Variants in RAD51B observed in about 807,000 individuals in gnomAD.
The protein encoded by RAD51B is RAD51 paralog B.
In RAD51B, 38 loss-of-function variants were observed where a neutral mutation model predicts 42.2. That is an observed-to-expected ratio of 0.90 (90% CI 0.70 to 1.18). The LOEUF (loss-of-function observed/expected upper bound fraction) is 1.18, where lower values mean the gene tolerates loss of function less well. Among genes scored for constraint, RAD51B ranks in the 50% most tolerant of loss-of-function variants. The pLI, the probability that RAD51B is intolerant of heterozygous loss-of-function variation, is 0.00. For synonymous variants in RAD51B, 154 were observed against 145.2 expected (o/e 1.06, Z -0.43); for missense variants, 373 against 400.7 (o/e 0.93, Z 0.59).
intron 10 of RAD51B, among the ~76,000 whole-genome samples, chr14:68,603,745 T>G (rs1362668366): frequency 6.6e-6 from 1 of 152,234 alleles, no homozygotes; most frequent in African/African-American, 2.4e-5. Context: ...GTTGTCAAGC[T>G]GTCCCAAAGA....
intron 7 of RAD51B, among the ~76,000 whole-genome samples, chr14:68,276,605 C>T (rs2139606950): frequency 6.6e-6 from 1 of 152,188 alleles, no homozygotes; most frequent in East Asian, 1.9e-4. Context: ...CATGTTGAGC[C>T]AGGTTTTCTA....
chr14:67,848,057 C>T (rs1449245692), intron 4 of RAD51B, among the ~76,000 whole-genome samples: 3 of 152,190 alleles, frequency 2.0e-5, no homozygotes, highest in Non-Finnish European at 4.4e-5. Flanking sequence ...CTCAGTCTGT[C>T]ACCAGGCTGG....
intron 7 of RAD51B, among the ~76,000 whole-genome samples, chr14:67,924,628 G>A (rs1001887615): frequency 3.3e-5 from 5 of 152,150 alleles, no homozygotes; most frequent in East Asian, 1.9e-4. Context: ...CAGATCTCGT[G>A]AGACTCATTC....
At chr14:68,012,336 G>A (rs548818349) in intron 7 of RAD51B, among the ~76,000 whole-genome samples, 14 of 152,142 alleles carry the variant, frequency 9.2e-5, no homozygotes, top group Non-Finnish European at 1.8e-4. Context: ...GCAAACTGTG[G>A]CTCACGACTG....
intron 4 of RAD51B, among the ~76,000 whole-genome samples, chr14:67,845,527 G>A (rs955477554): frequency 6.6e-6 from 1 of 152,120 alleles, no homozygotes; most frequent in African/African-American, 2.4e-5. Context: ...AATTAGCCGG[G>A]TGTGGTGGCA....
intron 7 of RAD51B, among the ~76,000 whole-genome samples, chr14:68,005,172 G>C (rs556332288): frequency 2.0e-5 from 3 of 150,030 alleles, no homozygotes; most frequent in South Asian, 4.2e-4. Flanking sequence ...TCCTGCCTCA[G>C]GCTCCTGGGC....
Position 68,291,907 on chromosome 14 carries a change from A to T in RAD51B, c.780A>T (p.Thr260=). The change falls in exon 8 of 11, where the codon ACA becomes ACT. Residue 260 remains threonine, a synonymous_variant. Transcript: ENST00000471583. The stretch of plus-strand genomic sequence containing the variant: ...AGGTTATCTTGACGAATCAGATTAC[A>T]ACCCATCTGAGTGGAGCCCTGGCTT... ...SIPVILTNQI[T]THLSGALASQ... is the part of the protein sequence containing the mutation. 1 of 1,613,680 alleles carries T rather than the reference A, an allele frequency of 6.2e-7. No homozygotes were observed. Among genetic ancestry groups the T allele is most frequent in the South Asian group, 1.1e-5 (1 of 91,070 alleles).
At chr14:68,276,961 A>C (rs1475702833) in intron 7 of RAD51B, among the ~76,000 whole-genome samples, 1 of 152,208 alleles carries the variant, frequency 6.6e-6, no homozygotes, top group Non-Finnish European at 1.5e-5. Flanking sequence ...TTTTAGCTGC[A>C]CTTGAAAAGA....
rs146561135 is a variant in RAD51B at position 68,663,236 on chromosome 14, G to A, written c.*11+12380G>A. ...AGAGTTGCTTGAAACCAGCAGGGTT[G>A]AGGTTGCAGTGAGTTGAGATCTAGC... On this transcript the variant is annotated intron_variant, in intron 11 of 11. Coordinates refer to the RAD51B transcript ENST00000488612. Among the ~76,000 whole-genome samples the A allele has an allele frequency of 4.1e-4, 63 of 152,310 alleles. No homozygotes were observed. The South Asian group carries it at 9.5e-3, about 23-fold the overall frequency.
chr14:68,482,754 C>A (rs1883302799), downstream of RAD51B, among the ~76,000 whole-genome samples: 1 of 152,196 alleles, frequency 6.6e-6, no homozygotes, highest in Admixed American at 6.5e-5. Flanking sequence ...AACACACTGC[C>A]TACTTCTGAA....
At chr14:68,346,757 G>C (rs1273503953) in intron 8 of RAD51B, among the ~76,000 whole-genome samples, 2 of 152,122 alleles carry the variant, frequency 1.3e-5, no homozygotes, top group South Asian at 2.1e-4. Flanking sequence ...CAGCTGCTCA[G>C]TTCTCCAGCC....
At chr14:68,168,892 C>A (rs1211956405) in intron 7 of RAD51B, among the ~76,000 whole-genome samples, 2 of 151,974 alleles carry the variant, frequency 1.3e-5, no homozygotes, top group African/African-American at 4.8e-5. Context: ...ATAGCCATGA[C>A]AAGAACCAGG....
intron 8 of RAD51B, among the ~76,000 whole-genome samples, chr14:68,389,229 T>A (rs567121528): frequency 6.6e-6 from 1 of 152,118 alleles, no homozygotes; most frequent in African/African-American, 2.4e-5. Flanking sequence ...TTAAGAAACA[T>A]AACATTAATA....
intron 7 of RAD51B, among the ~76,000 whole-genome samples, chr14:68,087,192 C>A (rs745780661): frequency 4.6e-5 from 7 of 151,422 alleles, no homozygotes; most frequent in Non-Finnish European, 1.0e-4. Context: ...ATTTCTGATT[C>A]CCTAGGGTCC....
chr14:68,067,192 G>A (rs1455029058), intron 7 of RAD51B, among the ~76,000 whole-genome samples: 1 of 152,102 alleles, frequency 6.6e-6, no homozygotes, highest in Admixed American at 6.6e-5. Context: ...GCTGGTCATG[G>A]TGGCTCATGC....
chr14:68,133,618 C>T (rs2077945863), intron 7 of RAD51B, among the ~76,000 whole-genome samples: 1 of 152,032 alleles, frequency 6.6e-6, no homozygotes, highest in Non-Finnish European at 1.5e-5. Context: ...ACTACAGGCG[C>T]ACACCACCAC....
chr14:67,906,371 C>T (rs1372569638), intron 7 of RAD51B, among the ~76,000 whole-genome samples: 3 of 152,004 alleles, frequency 2.0e-5, no homozygotes, highest in Non-Finnish European at 4.4e-5. Context: ...CATTGTGTCT[C>T]TGCCAAGTAT....
At chr14:67,902,348 T>G (rs2043640407) in intron 7 of RAD51B, among the ~76,000 whole-genome samples, 1 of 152,190 alleles carries the variant, frequency 6.6e-6, no homozygotes, top group Admixed American at 6.5e-5. Context: ...CTTTGTAAAT[T>G]CTGAAGCACT....
At chr14:68,164,680 G>T (rs1411934302) in intron 7 of RAD51B, among the ~76,000 whole-genome samples, 1 of 152,140 alleles carries the variant, frequency 6.6e-6, no homozygotes, top group Non-Finnish European at 1.5e-5. Context: ...ACTGCTTTTG[G>T]TGTTGCTCTG....
Sources: gnomAD v4.1 joint callset for allele counts (sites outside exome capture counted in the v4.1 genomes callset) on GRCh38, gnomAD v4.1.1 for gene constraint, MANE v1.5 for transcripts, NCBI Gene and HGNC (gene_info 2026-07-23, HGNC 2026-07-21) for gene names.